The following EIF2AK1 variants were observed in gnomAD, a reference collection of about 807,000 sequenced individuals.
The protein encoded by EIF2AK1 is eukaryotic translation initiation factor 2 alpha kinase 1.
Under a neutral mutation model 77.9 loss-of-function variants are expected in EIF2AK1, and 54 were observed. The ratio of observed to expected loss-of-function variants is 0.69; its 90% CI spans 0.56 to 0.87. EIF2AK1 has a LOEUF of 0.87. Among genes scored for constraint, EIF2AK1 ranks in the 40% least tolerant of loss-of-function variants. EIF2AK1 has a pLI of 0.00. For missense variants in EIF2AK1, 810 were observed against 768.6 expected, an observed-to-expected ratio of 1.05 and a Z score of -0.64; for synonymous variants, 314 against 290.5, an observed-to-expected ratio of 1.08 and a Z score of -0.82.
chr7:6,033,016 T>C lies in EIF2AK1; in HGVS notation c.1333-3984A>G, dbSNP rs1404474390. The C allele has an allele frequency of 8.2e-7, 1 of 1,218,498 alleles. No homozygotes were observed. The allele number at this position is 1,218,498 out of a possible 1,614,324, so 75.5% of individuals were successfully genotyped here. A position where few individuals can be genotyped will look rare whatever the true frequency, so the allele number is the denominator to read the frequency against. ...AGGGGTCTCGCTCTGTTGCCCAGGC[T>C]GGAGTGCAATGGCACAATCTCGCCT... On this transcript the variant is annotated intron_variant, in intron 11 of 14. Transcript: ENST00000199389. This position sits in a 1 kb window ranked among gnomAD's most constrained non-coding sequence, Gnocchi z 4.4.
In EIF2AK1 at chr7:6,041,395, C is replaced by T. The variant is rs541692498; in HGVS notation, c.792-176G>A. 2.0e-5 allele frequency among the ~76,000 whole-genome samples: 3 copies of T among 151,856 alleles called. 1 individual carries two copies. Among genetic ancestry groups the T allele is most frequent in the African/African-American group, 4.8e-5 (2 of 41,388 alleles). Reference sequence around the variant, plus strand: ...CTCAACTAAAAACACAAAAATTAGACGGGTATGGTGGCATACGCCTGTAAT... The same window carrying T: ...CTCAACTAAAAACACAAAAATTAGATGGGTATGGTGGCATACGCCTGTAAT... On this transcript the variant is annotated intron_variant, in intron 8 of 14. Transcript: ENST00000199389.
chr7:6,043,496 TTG>T (rs1211715095), intron 7 of EIF2AK1, among the ~76,000 whole-genome samples: 1 of 152,116 alleles, frequency 6.6e-6, no homozygotes, highest in Non-Finnish European at 1.5e-5. Context: ...TGGCACGATC[TTG>T]GCTCACTGCA....
At position 6,035,295 on chromosome 7, in the gene EIF2AK1, C is replaced by G; in HGVS notation, c.1332+2129G>C. 6.3e-6 allele frequency: 5 copies of G among 797,600 alleles called. No individual in the cohort carries two copies. The South Asian group carries it at 1.0e-4, about 16-fold the overall frequency. 49.4% of individuals were successfully genotyped at this position (797,600 alleles called of 1,614,324 possible). A position where few individuals can be genotyped will look rare whatever the true frequency, so the allele number is the denominator to read the frequency against. On this transcript the variant is annotated intron_variant, in intron 11 of 14. Transcript: ENST00000199389. This position sits in a 1 kb window ranked among gnomAD's most constrained non-coding sequence, Gnocchi z 5.5. ...AAAAACCCTGGGATAGCCTGAGAAA[C>G]TACCCAGCGATACAGATTTTGAAAC...
At chr7:6,056,613 A>AAATATAT in intron 1 of EIF2AK1, among the ~76,000 whole-genome samples, 3 of 43,740 alleles carry the variant, frequency 6.9e-5, no homozygotes, top group South Asian at 8.1e-4. Flanking sequence ...AAAAAAAAAA[A>AAATATAT]ATATATATAT....
intron 6 of EIF2AK1, among the ~76,000 whole-genome samples, chr7:6,045,426 A>G (rs540208): frequency 0.82 from 125,075 of 152,124 alleles, 51,725 homozygotes; most frequent in East Asian, 0.92. Context: ...AAATATTTTT[A>G]AGAAACAAAT....
chr7:6,051,277 T>C (rs965052379), intron 2 of EIF2AK1, among the ~76,000 whole-genome samples: 4 of 150,638 alleles, frequency 2.7e-5, no homozygotes, highest in Non-Finnish European at 5.9e-5. Flanking sequence ...TTCTTTCTTT[T>C]TTTTTTTTTT....
chr7:6,046,371 G>A, intron 5 of EIF2AK1: 1 of 301,284 alleles, frequency 3.3e-6, no homozygotes, highest in Non-Finnish European at 6.1e-6. Context: ...TGAAGAACGG[G>A]AATGTTAGCA....
At chr7:6,056,005 A>C (rs1446510640) in intron 1 of EIF2AK1, among the ~76,000 whole-genome samples, 1 of 146,628 alleles carries the variant, frequency 6.8e-6, no homozygotes, top group Non-Finnish European at 1.5e-5. Context: ...AAAAAAAAAA[A>C]AAACTAGCTG....
chr7:6,033,816 A>G lies in EIF2AK1; in HGVS notation c.1332+3608T>C, dbSNP rs1045872197. Among the ~76,000 whole-genome samples, 2 of 150,986 alleles carry G rather than the reference A, an allele frequency of 1.3e-5. No homozygotes were observed. The highest frequency in any genetic ancestry group is 3.0e-5 in the Non-Finnish European group (2 of 67,670). On this transcript the variant is annotated intron_variant, in intron 11 of 14. Transcript: ENST00000199389. This position sits in a 1 kb window ranked among gnomAD's most constrained non-coding sequence, Gnocchi z 4.4. ...AATCTCCTGACCTCGTGATCCGTCC[A>G]CCTCAGCCTCCCAAAGTGCTGGGAT...
chr7:6,058,498 C>G (rs1788858064), intron 1 of EIF2AK1, among the ~76,000 whole-genome samples: 1 of 152,172 alleles, frequency 6.6e-6, no homozygotes, highest in Non-Finnish European at 1.5e-5. Flanking sequence ...CTTTAGTTCT[C>G]CTTCCAATGA....
intron 7 of EIF2AK1, among the ~76,000 whole-genome samples, chr7:6,043,350 G>A (rs1328980003): frequency 6.6e-6 from 1 of 152,120 alleles, no homozygotes; most frequent in Non-Finnish European, 1.5e-5. Context: ...GCCGAGGCTC[G>A]AGGATCACTT....
rs1787825352 is a variant in EIF2AK1 at position 6,028,949 on chromosome 7, CT to C, written c.1415del (p.Lys472ArgfsTer50). ...FGLACTDILQ[K>X]NTDWTNRNGK... The stretch of plus-strand genomic sequence containing the variant: ...CGTTTCTGTTGGTCCAGTCTGTGTT[CT>C]TCTGTAGGATGTCTGTGCAGGCCAG... On this transcript the variant is annotated frameshift_variant, in exon 12 of 15. Transcript: ENST00000199389. LOFTEE classifies it high-confidence loss of function. The C allele has an allele frequency of 6.2e-7, 1 of 1,610,056 alleles. No homozygotes were observed.
At position 6,024,393 on chromosome 7, in the gene EIF2AK1, C is replaced by G; in HGVS notation, c.*280G>C. On this transcript the variant is annotated 3_prime_UTR_variant, in exon 15 of 15. Coordinates refer to ENST00000199389, the MANE Select transcript of EIF2AK1 (RefSeq NM_014413.4). ...TTCTGCGGTACCTTCTAGAGGAAGA[C>G]CAGACAGAGGGTCAACAGAGTTGAA... The G allele has an allele frequency of 1.5e-6, 2 of 1,296,386 alleles. No homozygotes were observed. Among genetic ancestry groups the G allele is most frequent in the Non-Finnish European group, 2.0e-6 (2 of 1,015,852 alleles). 80.3% of individuals were successfully genotyped at this position (1,296,386 alleles called of 1,614,324 possible).
rs975755708 is a variant in EIF2AK1, at chr7:6,032,614, G to C, written c.1333-3582C>G. 6.6e-6 allele frequency among the ~76,000 whole-genome samples: 1 copy of C among 152,152 alleles called. No homozygotes were observed. The highest frequency in any genetic ancestry group is 1.5e-5 in the Non-Finnish European group (1 of 68,038). On this transcript the variant is annotated intron_variant, in intron 11 of 14. Transcript: ENST00000199389. This position sits in a 1 kb window ranked among gnomAD's most constrained non-coding sequence, Gnocchi z 4.3. ...TTTGAGTGTTATTTCTGTTGCCTCA[G>C]TAAATGTGCATTTCTGTGAAACACA...
Position 6,023,528 on chromosome 7 carries a change from C to T in EIF2AK1, c.*1145G>A. 1.9e-6 allele frequency: 3 copies of T among 1,614,212 alleles called. No homozygotes were observed. Among genetic ancestry groups the T allele is most frequent in the Middle Eastern group, 1.7e-4 (1 of 6,058 alleles). On this transcript the variant is annotated 3_prime_UTR_variant, in exon 15 of 15. Transcript: ENST00000199389. ...ATGAACTCTGCTCTTGGGAAGAGCC[C>T]TTGGCTCGCTGGGAATGAACTCACC...
intron 2 of EIF2AK1, among the ~76,000 whole-genome samples, chr7:6,054,329 G>C (rs916857046): frequency 1.3e-5 from 2 of 151,900 alleles, no homozygotes; most frequent in Non-Finnish European, 2.9e-5. Context: ...TCAGCCTCCC[G>C]AGTAGCTGGG....
intron 11 of EIF2AK1, among the ~76,000 whole-genome samples, chr7:6,029,979 CAAAAA>C (rs1236833268): frequency 7.0e-6 from 1 of 143,644 alleles, no homozygotes; most frequent in Admixed American, 6.9e-5. Context: ...GACTCTGTCT[CAAAAA>C]AAAGAAAAGA....
At chr7:6,054,392 G>C (rs1788692173) in intron 2 of EIF2AK1, among the ~76,000 whole-genome samples, 154 bp downstream of exon 2, 4 of 151,774 alleles carry the variant, frequency 2.6e-5, no homozygotes, top group Admixed American at 1.3e-4. Context: ...TGAGTAAAGA[G>C]GGGGTTTCGT....
intron 2 of EIF2AK1, among the ~76,000 whole-genome samples, chr7:6,051,246 T>C (rs752505345): frequency 1.3e-5 from 2 of 151,450 alleles, no homozygotes; most frequent in Non-Finnish European, 2.9e-5. Context: ...CAAATACAGA[T>C]ACCAATGAGG....
Sources: gnomAD v4.1 joint callset for allele counts (sites outside exome capture counted in the v4.1 genomes callset) on GRCh38, gnomAD v4.1.1 for gene constraint, Gnocchi (gnomAD v3.1) non-coding constraint, MANE v1.5 for transcripts, NCBI Gene and HGNC (gene_info 2026-07-23, HGNC 2026-07-21) for gene names.